Variants in SLC35D2 observed in about 807,000 individuals in gnomAD.
SLC35D2 encodes the protein nucleotide sugar transporter SLC35D2.
SLC35D2 carries 43 observed loss-of-function variants against 41.8 expected under a neutral mutation model. The observed-to-expected ratio is 1.03, with a 90% CI of 0.81 to 1.33. SLC35D2 has a LOEUF of 1.33. SLC35D2 is among the 40% of genes most tolerant of loss of function. The pLI, the probability that SLC35D2 is intolerant of heterozygous loss-of-function variation, is 0.00. For missense variants in SLC35D2, 380 were observed against 408.4 expected, an observed-to-expected ratio of 0.93 and a Z score of 0.60; for synonymous variants, 150 against 163.9, an observed-to-expected ratio of 0.92 and a Z score of 0.65.
chr9:96,339,898 A>T (rs1159433395), intron 8 of SLC35D2, among the ~76,000 whole-genome samples: 2 of 152,198 alleles, frequency 1.3e-5, no homozygotes, highest in Non-Finnish European at 2.9e-5. Flanking sequence ...AGTCACACAC[A>T]CACATTTACC....
At chr9:96,357,848 G>A (rs1030003233) in intron 4 of SLC35D2, among the ~76,000 whole-genome samples, 1 of 151,722 alleles carries the variant, frequency 6.6e-6, no homozygotes, top group Non-Finnish European at 1.5e-5. Context: ...AGATCAGCCT[G>A]GGCAACATGG....
intron 2 of SLC35D2, 105 bp downstream of exon 2, chr9:96,368,167 C>T: frequency 1.3e-6 from 1 of 762,598 alleles, no homozygotes; most frequent in South Asian, 1.9e-5. Flanking sequence ...GGTCCTCTGC[C>T]AGCTGAATAA....
chr9:96,364,634 A>G, intron 2 of SLC35D2, 84 bp from the exon 3 acceptor site: 1 of 793,842 alleles, frequency 1.3e-6, no homozygotes, highest in African/African-American at 1.7e-5. Context: ...AAGAAAACAC[A>G]TTCATCAAAA....
At chr9:96,333,594 C>CA (rs573718212) in intron 9 of SLC35D2, among the ~76,000 whole-genome samples, 1,969 of 67,482 alleles carry the variant, frequency 0.029, 84 homozygotes, top group African/African-American at 0.098. Context: ...GACTCCGTCT[C>CA]AAAAAAAAAA....
intron 8 of SLC35D2, among the ~76,000 whole-genome samples, chr9:96,338,677 C>T (rs921369970): frequency 1.3e-4 from 19 of 151,952 alleles, no homozygotes; most frequent in Non-Finnish European, 2.4e-4. Flanking sequence ...AGTTTCCTTG[C>T]GTCATAACAC....
downstream of SLC35D2, among the ~76,000 whole-genome samples, chr9:96,316,728 G>T (rs1206227883): frequency 6.6e-6 from 1 of 152,148 alleles, no homozygotes; most frequent in Non-Finnish European, 1.5e-5. Context: ...TTTTGTGTGT[G>T]TGCCTGAGGG....
At chr9:96,381,019 A>C (rs1587733226) in intron 1 of SLC35D2, among the ~76,000 whole-genome samples, 1 of 152,320 alleles carries the variant, frequency 6.6e-6, no homozygotes, top group South Asian at 2.1e-4. Flanking sequence ...TGCCCTGCCC[A>C]GTCCACGCCG....
intron 3 of SLC35D2, among the ~76,000 whole-genome samples, chr9:96,363,281 C>T (rs774736404): frequency 1.3e-5 from 2 of 151,958 alleles, no homozygotes; most frequent in East Asian, 1.9e-4. Flanking sequence ...GGATTATAGG[C>T]GTGAGCCACC....
At chr9:96,354,742 G>A (rs1395887510) in intron 4 of SLC35D2, among the ~76,000 whole-genome samples, 1 of 136,238 alleles carries the variant, frequency 7.3e-6, no homozygotes, top group Non-Finnish European at 1.5e-5. Context: ...ACTCTAGCCT[G>A]GGCAACAAAG....
intron 1 of SLC35D2, chr9:96,373,925 G>C (rs1830823587): frequency 6.6e-6 from 1 of 152,132 alleles, no homozygotes; most frequent in Non-Finnish European, 1.5e-5. Flanking sequence ...ATACAATGTA[G>C]GAGAATATCC....
At chr9:96,346,580 G>A (rs1056640880) in intron 6 of SLC35D2, among the ~76,000 whole-genome samples, 6 of 152,036 alleles carry the variant, frequency 3.9e-5, no homozygotes, top group African/African-American at 1.5e-4. Flanking sequence ...ATCTTTCTCG[G>A]CTCAAAATAA....
chr9:96,368,733 CCT>C (rs34787105), intron 1 of SLC35D2, among the ~76,000 whole-genome samples: 6,797 of 142,918 alleles, frequency 0.048, 183 homozygotes, highest in African/African-American at 0.077. Flanking sequence ...TATTATACTC[CCT>C]CTCTCTCTCT....
Position 96,358,105 on chromosome 9 carries a change from T to TATATATAC in SLC35D2, c.347+2048_347+2049insGTATATAT, listed in dbSNP as rs546410635. On this transcript the variant is annotated intron_variant, in intron 4 of 11. Transcript: ENST00000253270. ...TTATATATATATATATATATATATATATACCTGCAATGGAATATTAATCAG... is the reference window on the plus strand; with the variant it reads ...TTATATATATATATATATATATATATATATATACATACCTGCAATGGAATATTAATCAG... Among the ~76,000 whole-genome samples, 1,303 of 143,430 alleles carry TATATATAC rather than the reference T, an allele frequency of 9.1e-3. 22 individuals carry two copies. Among genetic ancestry groups the TATATATAC allele is most frequent in the Non-Finnish European group, 0.015 (1,028 of 66,384 alleles). 94.1% of individuals were successfully genotyped at this position (143,430 alleles called of 152,430 possible).
intron 8 of SLC35D2, among the ~76,000 whole-genome samples, chr9:96,341,751 A>G (rs1319250981): frequency 6.6e-6 from 1 of 152,234 alleles, no homozygotes; most frequent in Admixed American, 6.5e-5. Context: ...GTAAGAACAC[A>G]TATTTCTTCT....
chr9:96,322,199 A>ATATTC (rs1828270481), intron 10 of SLC35D2, 119 bp from the exon 11 acceptor site: 1 of 650,740 alleles, frequency 1.5e-6, no homozygotes, highest in African/African-American at 1.8e-5. Flanking sequence ...GTACATAGGG[A>ATATTC]TATTCACAGG....
chr9:96,317,636 GAAGA>G (rs374612407), downstream of SLC35D2, among the ~76,000 whole-genome samples: 382 of 152,250 alleles, frequency 2.5e-3, 17 homozygotes, highest in South Asian at 0.054. Context: ...TAAAAAATTG[GAAGA>G]AAGAAGGAAA....
chr9:96,366,344 AAAAT>A (rs1830473368), intron 2 of SLC35D2, among the ~76,000 whole-genome samples: 1 of 151,716 alleles, frequency 6.6e-6, no homozygotes, highest in African/African-American at 2.4e-5. Context: ...AAAATAAAAT[AAAAT>A]AAATATACTA....
chr9:96,351,998 T>C, intron 5 of SLC35D2, 40 bp downstream of exon 5: 1 of 1,334,910 alleles, frequency 7.5e-7, no homozygotes, highest in Non-Finnish European at 1.1e-6. Context: ...ATGCAGTGGG[T>C]GGGAGGCACA....
In SLC35D2 at chr9:96,366,513, A is replaced by G. The variant is rs942865558; in HGVS notation, c.192+1759T>C. 2.9e-5 allele frequency among the ~76,000 whole-genome samples: 4 copies of G among 138,470 alleles called. No homozygotes were observed. The East Asian group carries it at 8.4e-4, about 29-fold the overall frequency. 90.8% of individuals were successfully genotyped at this position (138,470 alleles called of 152,430 possible). A position where few individuals can be genotyped will look rare whatever the true frequency, so the allele number is the denominator to read the frequency against. Reference sequence around the variant, plus strand: ...TAGAGACTACAAAGGACACCTTATCACTGATTTTTTTTTTTTTTTTTTTTT... The same window carrying G: ...TAGAGACTACAAAGGACACCTTATCGCTGATTTTTTTTTTTTTTTTTTTTT... On this transcript the variant is annotated intron_variant, in intron 2 of 11. Transcript: ENST00000253270.
Sources: gnomAD v4.1 joint callset for allele counts (sites outside exome capture counted in the v4.1 genomes callset) on GRCh38, gnomAD v4.1.1 for gene constraint, MANE v1.5 for transcripts, NCBI Gene and HGNC (gene_info 2026-07-23, HGNC 2026-07-21) for gene names.